TRPM4: variants seen among roughly 807,000 people sequenced by gnomAD.
TRPM4 encodes calcium-activated non-selective cation channel 1.
A neutral mutation model predicts 135.6 loss-of-function variants in TRPM4; 124 were observed. That is an observed-to-expected ratio of 0.91 (90% CI 0.79 to 1.06). TRPM4 has a LOEUF of 1.06. TRPM4 is among the 50% of genes least tolerant of loss of function. TRPM4 has a pLI of 0.00. For synonymous variants in TRPM4, 745 were observed against 705.6 expected (o/e 1.06, Z -0.88); for missense variants, 1,658 against 1,671.4 (o/e 0.99, Z 0.14).
chr19:49,183,080 G>C lies in TRPM4; in HGVS notation c.1611G>C (p.Met537Ile), dbSNP rs372498983. The C allele has an allele frequency of 6.2e-7, 1 of 1,611,972 alleles. No homozygotes were observed. The highest frequency in any genetic ancestry group is 1.3e-5 in the African/African-American group (1 of 74,900). ...ACCACCCCTCCTTTTGCTGGCAGAT[G>C]TATCTGCTCTCGGACAAGGCCACCT... Reference protein sequence around the residue: ...PHPGQGFGESMYLLSDKATSP... With the variant: ...PHPGQGFGESIYLLSDKATSP... The change falls in exon 12 of 25, where the codon ATG becomes ATC. Residue 537 changes from methionine to isoleucine, a missense_variant and splice_region_variant. Transcript: ENST00000252826.
At chr19:49,197,473 C>T (rs13344704) in intron 17 of TRPM4, among the ~76,000 whole-genome samples, 2 of 114,930 alleles carry the variant, frequency 1.7e-5, no homozygotes, top group African/African-American at 3.4e-5. Flanking sequence ...GCCTCCCTCC[C>T]TCCTTCCTTC....
At chr19:49,200,213 T>A (rs1486119135) in intron 17 of TRPM4, 87 bp from the exon 18 acceptor site, 1 of 1,603,036 alleles carries the variant, frequency 6.2e-7, no homozygotes, top group African/African-American at 1.3e-5. Flanking sequence ...AGGCTGCAGC[T>A]TCCTCTGAAG....
At chr19:49,180,977 G>A (rs960015614) in intron 9 of TRPM4, among the ~76,000 whole-genome samples, 3 of 151,958 alleles carry the variant, frequency 2.0e-5, no homozygotes, top group Non-Finnish European at 2.9e-5. Flanking sequence ...GCACCCTGAG[G>A]GTAGTTATGT....
At chr19:49,183,825 G>A (rs1054154212) in intron 12 of TRPM4, among the ~76,000 whole-genome samples, 1 of 150,024 alleles carries the variant, frequency 6.7e-6, no homozygotes, top group Non-Finnish European at 1.5e-5. Flanking sequence ...CCAGGCTGGA[G>A]TGCAGTGGCA....
rs1311495881 is a variant in TRPM4, at chr19:49,202,068, G to A, written c.3058G>A (p.Val1020Met). Residue 1020 changes from valine to methionine, a missense_variant, in exon 20 of 25, where the codon GTG (valine) becomes ATG (methionine). Val to Met is a conservative substitution (Grantham distance 21). Around this residue, in one of 3 missense-constraint regions of TRPM4, gnomAD observed 1,412 missense variants for 1,408.7 expected, o/e 1.00. Transcript: ENST00000252826. ...TCVSQYANWL[V>M]VLLLVIFLLV... ...CGTCTCCCAGTATGCCAACTGGCTG[G>A]TGGTGCTGCTCCTCGTCATCTTCCT... 9.9e-6 allele frequency: 16 copies of A among 1,614,114 alleles called. No homozygotes were observed. The highest frequency in any genetic ancestry group is 1.3e-5 in the African/African-American group (1 of 75,048).
At chr19:49,209,951 G>A (rs1363120406) in intron 20 of TRPM4, among the ~76,000 whole-genome samples, 2 of 151,992 alleles carry the variant, frequency 1.3e-5, no homozygotes, top group African/African-American at 2.4e-5. Context: ...GCTTCACCAT[G>A]TTAGCCAGGC....
chr19:49,158,390 C>T (rs2041560240), intron 2 of TRPM4, 131 bp downstream of exon 2: 7 of 838,760 alleles, frequency 8.3e-6, no homozygotes, highest in Admixed American at 5.3e-5. Context: ...CGTTCCTTGC[C>T]GACGCTCTCC....
intron 12 of TRPM4, among the ~76,000 whole-genome samples, chr19:49,187,741 C>T (rs1408871756): frequency 6.6e-6 from 1 of 152,144 alleles, no homozygotes; most frequent in African/African-American, 2.4e-5. Flanking sequence ...TCAAATCAGT[C>T]TCCTCGAGGA....
chr19:49,182,429 TATCC>T, intron 10 of TRPM4, 145 bp from the exon 11 acceptor site: 1 of 667,944 alleles, frequency 1.5e-6, no homozygotes, highest in South Asian at 1.6e-5. Context: ...TCCATCTACC[TATCC>T]ATTCATCCAT....
At position 49,168,627 on chromosome 19, in the gene TRPM4, C is replaced by T. The variant is rs770073838; in HGVS notation, c.687C>T (p.Tyr229=). The change falls in exon 6 of 25, where the codon TAC becomes TAT. Residue 229 remains tyrosine (Y), a synonymous_variant. Transcript: ENST00000252826. Reference sequence around the variant, plus strand: ...TCCAGTTTCCCCTGGACTACAACTACTCGGCCTTCTTCCTGGTGGACGACG... The same window carrying T: ...TCCAGTTTCCCCTGGACTACAACTATTCGGCCTTCTTCCTGGTGGACGACG... The part of the protein sequence containing the change: ...DGVQFPLDYN[Y]SAFFLVDDGT... The T allele has an allele frequency of 1.6e-5, 26 of 1,613,606 alleles. No individual in the cohort carries two copies. The highest frequency in any genetic ancestry group is 2.1e-5 in the Non-Finnish European group (25 of 1,180,000).
intron 10 of TRPM4, 66 bp downstream of exon 10, chr19:49,181,527 C>CTTT: frequency 3.6e-6 from 3 of 830,434 alleles, no homozygotes; most frequent in African/African-American, 2.1e-5. Flanking sequence ...CCCTCTCTGC[C>CTTT]TTCTTTTTTT....
At position 49,164,438 on chromosome 19, in the gene TRPM4, A is replaced by G. The variant is rs539941166; in HGVS notation, c.93-1603A>G. On this transcript the variant is annotated intron_variant, in intron 2 of 24. Transcript: ENST00000252826. ...CTCTTGTCTCCCAGGCTGGAGTACA[A>G]TAGTGTGATGGCTCACTGCAACTTC... Among the ~76,000 whole-genome samples the G allele has an allele frequency of 1.6e-4, 20 of 124,650 alleles. No homozygotes were observed. In the South Asian group the frequency reaches 5.3e-3, roughly 33 times the overall value. The allele number at this position is 124,650 out of a possible 152,430, so 81.8% of individuals were successfully genotyped here.
chr19:49,190,787 C>T lies in TRPM4; in HGVS notation c.2210+14C>T. 2 of 1,613,638 alleles carry T rather than the reference C, an allele frequency of 1.2e-6. No homozygotes were observed. Among genetic ancestry groups the T allele is most frequent in the Non-Finnish European group, 1.7e-6 (2 of 1,179,608 alleles). On this transcript the variant is annotated intron_variant, in intron 16 of 24. Transcript: ENST00000252826. ...AGGGCCTGTCGGGTGAGTGGAGCCT[C>T]CAGCACTGTGTGAGGTGGGGACACC...
rs761683883 is a variant in TRPM4, at chr19:49,202,012, C to T, written c.3002C>T (p.Ala1001Val). The T allele has an allele frequency of 9.9e-6, 16 of 1,613,546 alleles. No homozygotes were observed. The East Asian group carries it at 3.4e-4, about 34-fold the overall frequency. The change falls in exon 20 of 25, where the codon GCA becomes GTA. Residue 1001 changes from alanine (A) to valine (V), a missense_variant. Physicochemically the swap from Ala to Val is moderately conservative, Grantham distance 64. Around this residue, in one of 3 missense-constraint regions of TRPM4, gnomAD observed 1,412 missense variants for 1,408.7 expected, o/e 1.00. Coordinates refer to ENST00000252826, the MANE Select transcript of TRPM4 (RefSeq NM_017636.4). ...TGCTCGTCGGAGCCCGGCTTCTGGG[C>T]ACACCCTCCTGGGGCCCAGGCGGGC... ...SNCSSEPGFW[A>V]HPPGAQAGTC...
At position 49,168,566 on chromosome 19, in the gene TRPM4, C is replaced by T. The variant is rs765832900; in HGVS notation, c.626C>T (p.Ala209Val). Residue 209 changes from alanine (A) to valine (V), a missense_variant, in exon 6 of 25, where the codon GCG becomes GTG. This residue lies in a region of TRPM4 where 1,412 missense variants were observed against 1,408.7 expected (regional missense o/e 1.00). Transcript: ENST00000252826. ...TLINPKGSFP[A>V]RYRWRGDPED... ...TTTTTCCCCTAGGGCTCGTTCCCTG[C>T]GAGGTACCGGTGGCGCGGTGACCCG... 16 of 1,613,798 alleles carry T rather than the reference C, an allele frequency of 9.9e-6. No individual in the cohort carries two copies. The highest frequency in any genetic ancestry group is 8.8e-5 in the South Asian group (8 of 91,094).
chr19:49,207,800 C>T (rs1289984191), intron 20 of TRPM4, among the ~76,000 whole-genome samples: 2 of 151,940 alleles, frequency 1.3e-5, no homozygotes, highest in Non-Finnish European at 2.9e-5. Flanking sequence ...TTTTTCTCCC[C>T]GTGTGCAGAG....
rs1968065032 is a variant in TRPM4, at chr19:49,183,173, GC to G, written c.1705del (p.Leu569Ter). The G allele has an allele frequency of 6.2e-6, 10 of 1,614,048 alleles. No homozygotes were observed. In the South Asian group the frequency reaches 1.1e-4, roughly 18 times the overall value. Reference sequence around the variant, plus strand: ...GCGACCTGCTTCTTTGGGCACTGTTGCTGAACAGGGCACAGATGGCCATGTA... The same window carrying G: ...GCGACCTGCTTCTTTGGGCACTGTTGTGAACAGGGCACAGATGGCCATGTA... ...WSDLLLWALL[L>X]NRAQMAMYFW... On this transcript the variant is annotated frameshift_variant, in exon 12 of 25. Coordinates refer to ENST00000252826, the MANE Select transcript of TRPM4 (RefSeq NM_017636.4). LOFTEE classifies it high-confidence loss of function.
chr19:49,169,495 A>G (rs1445632182), intron 6 of TRPM4, among the ~76,000 whole-genome samples: 1 of 150,302 alleles, frequency 6.7e-6, no homozygotes, highest in Non-Finnish European at 1.5e-5. Flanking sequence ...GTTAGCCAGG[A>G]TGGTCTTGAT....
At chr19:49,179,244 G>A (rs1300608797) in intron 9 of TRPM4, among the ~76,000 whole-genome samples, 2 of 150,756 alleles carry the variant, frequency 1.3e-5, no homozygotes, top group South Asian at 2.1e-4. Flanking sequence ...TAGCAGAGAC[G>A]AGGTTTCTCC....
Sources: gnomAD v4.1 joint callset for allele counts (sites outside exome capture counted in the v4.1 genomes callset) on GRCh38, gnomAD v4.1.1 for gene constraint, gnomAD v4.1.1 regional missense constraint, MANE v1.5 for transcripts, NCBI Gene and HGNC (gene_info 2026-07-23, HGNC 2026-07-21) for gene names.